Variants in ANK1 observed in about 807,000 individuals in gnomAD.
ANK1 encodes ankyrin 1, also known as ankyrin-1.
ANK1 carries 51 observed loss-of-function variants against 210.4 expected under a neutral mutation model. The ratio of observed to expected loss-of-function variants is 0.24; its 90% CI spans 0.19 to 0.31. The LOEUF (loss-of-function observed/expected upper bound fraction) is 0.31. Among genes scored for constraint, ANK1 ranks in the 10% least tolerant of loss-of-function variants. The pLI, the probability that ANK1 is intolerant of heterozygous loss-of-function variation, is 1.00. For missense variants in ANK1, 2,051 were observed against 2,504.4 expected, an observed-to-expected ratio of 0.82 and a Z score of 3.86; for synonymous variants, 967 against 1,025.9, an observed-to-expected ratio of 0.94 and a Z score of 1.10.
intron 1 of ANK1, among the ~76,000 whole-genome samples, chr8:41,777,611 A>C (rs72640321): frequency 0.23 from 35,307 of 151,302 alleles, 4,788 homozygotes; most frequent in Admixed American, 0.38. Flanking sequence ...ACAATAAATA[A>C]AAACAAACAA....
intron 1 of ANK1, among the ~76,000 whole-genome samples, chr8:41,849,142 G>A (rs1166718054): frequency 2.0e-5 from 3 of 152,222 alleles, no homozygotes; most frequent in African/African-American, 7.2e-5. Context: ...AACCACATTT[G>A]GAGGGGCTCA....
chr8:41,757,991 A>C, intron 2 of ANK1, 45 bp downstream of exon 2: 6 of 1,532,182 alleles, frequency 3.9e-6, no homozygotes, highest in Admixed American at 1.7e-5. Flanking sequence ...GCATCAGGCA[A>C]GAGCTACTCT....
intron 2 of ANK1, among the ~76,000 whole-genome samples, chr8:41,748,475 T>G (rs1836727996): frequency 6.6e-6 from 1 of 152,186 alleles, no homozygotes; most frequent in Non-Finnish European, 1.5e-5. Flanking sequence ...CCTCACCCTC[T>G]TTCATTTCAT....
In ANK1 at chr8:41,701,586, T is replaced by A; in HGVS notation, c.2425A>T (p.Thr809Ser). 6.2e-7 allele frequency: 1 copy of A among 1,614,128 alleles called. No individual in the cohort carries two copies. Among genetic ancestry groups the A allele is most frequent in the South Asian group, 1.1e-5 (1 of 91,072 alleles). The change falls in exon 22 of 43, where the codon ACA becomes TCA. Residue 809 changes from threonine to serine, a missense_variant. Physicochemically the swap from Thr to Ser is moderately conservative, Grantham distance 58. Coordinates refer to ENST00000289734, the MANE Select transcript of ANK1 (RefSeq NM_000037.4). ...SDKHRMSFPETVDEILDVSED... is the reference protein window; with the variant it reads ...SDKHRMSFPESVDEILDVSED... ...GAGACATCCAGGATCTCATCAACTGTCTCAGGGAAACTCATTCGATGCTTA... is the reference window on the plus strand; with the variant it reads ...GAGACATCCAGGATCTCATCAACTGACTCAGGGAAACTCATTCGATGCTTA...
At chr8:41,870,942 C>T (rs1005916947) in intron 1 of ANK1, among the ~76,000 whole-genome samples, 1 of 152,260 alleles carries the variant, frequency 6.6e-6, no homozygotes, top group East Asian at 1.9e-4. Context: ...CGAATGGGCA[C>T]GGGGACTGTC....
chr8:41,677,652 C>T (rs1161614267), intron 37 of ANK1, among the ~76,000 whole-genome samples: 6 of 149,888 alleles, frequency 4.0e-5, no homozygotes, highest in Non-Finnish European at 5.9e-5. Flanking sequence ...TGCAATGGTG[C>T]AATCTTGGTT....
At chr8:41,884,629 G>C (rs1818136972) in intron 1 of ANK1, among the ~76,000 whole-genome samples, 1 of 151,330 alleles carries the variant, frequency 6.6e-6, no homozygotes, top group Non-Finnish European at 1.5e-5. Flanking sequence ...GAGCCCAGGA[G>C]TTGGAGACCA....
Position 41,668,355 on chromosome 8 carries a change from T to C in ANK1, c.5306A>G (p.Glu1769Gly). ...EHTWTEQPEAESSQADRDRRQ... is the reference protein window; with the variant it reads ...EHTWTEQPEAGSSQADRDRRQ... ...CCGGTCCCTGTCGGCCTGGGAGCTC[T>C]CAGCCTCGGGCTGTTCTGTCCACGT... Residue 1769 changes from glutamate (E) to glycine (G), a missense_variant, in exon 39 of 43, where the codon GAG becomes GGG. Transcript: ENST00000289734. 6.2e-7 allele frequency: 1 copy of C among 1,614,224 alleles called. No homozygotes were observed. Among genetic ancestry groups the C allele is most frequent in the Non-Finnish European group, 8.5e-7 (1 of 1,180,040 alleles).
At chr8:41,703,440 A>ATTTT (rs1563491713) in intron 20 of ANK1, among the ~76,000 whole-genome samples, 2 of 68,764 alleles carry the variant, frequency 2.9e-5, no homozygotes, top group African/African-American at 1.2e-4. Context: ...ATATATATAT[A>ATTTT]TATATATATA....
chr8:41,831,105 G>C (rs1402954381), intron 1 of ANK1, among the ~76,000 whole-genome samples: 4 of 152,180 alleles, frequency 2.6e-5, no homozygotes, highest in African/African-American at 9.7e-5. Flanking sequence ...TGGGAGACAG[G>C]AGACGAGGCT....
intron 1 of ANK1, among the ~76,000 whole-genome samples, chr8:41,845,037 T>C (rs1269302350): frequency 1.3e-5 from 2 of 152,140 alleles, no homozygotes; most frequent in Non-Finnish European, 2.9e-5. Context: ...CCTGTTTGTT[T>C]TGAAAGAGAC....
intron 1 of ANK1, among the ~76,000 whole-genome samples, chr8:41,794,043 G>A (rs377000818): frequency 2.0e-4 from 31 of 152,338 alleles, no homozygotes; most frequent in African/African-American, 7.0e-4. Context: ...CACTATATCA[G>A]GTGGTTTAAT....
chr8:41,678,549 AC>A (rs1814944610), intron 37 of ANK1, among the ~76,000 whole-genome samples: 1 of 152,212 alleles, frequency 6.6e-6, no homozygotes, highest in Admixed American at 6.5e-5. Context: ...TTTCTCCAAA[AC>A]AGAAAGAAAA....
chr8:41,802,940 A>G (rs1850121655), intron 1 of ANK1, among the ~76,000 whole-genome samples: 1 of 46,212 alleles, frequency 2.2e-5, no homozygotes, highest in African/African-American at 9.0e-5. Context: ...AGAGAAAGGG[A>G]GAGAGAAAGG....
chr8:41,874,051 C>A (rs573093240), intron 1 of ANK1, among the ~76,000 whole-genome samples: 9 of 152,328 alleles, frequency 5.9e-5, no homozygotes, highest in African/African-American at 2.2e-4. Flanking sequence ...CACACACAGA[C>A]ACAAACACAC....
intron 9 of ANK1, among the ~76,000 whole-genome samples, chr8:41,720,389 C>G (rs1828948320): frequency 6.6e-6 from 1 of 152,120 alleles, no homozygotes. Flanking sequence ...ATCTAAATCC[C>G]TCTGTTCCTT....
At chr8:41,812,706 A>G (rs570315568) in intron 1 of ANK1, among the ~76,000 whole-genome samples, 1 of 152,342 alleles carries the variant, frequency 6.6e-6, no homozygotes, top group African/African-American at 2.4e-5. Flanking sequence ...TGTGGAAGAC[A>G]GTATTTCCAC....
At chr8:41,726,695 CTAT>C (rs1278720571) in intron 5 of ANK1, among the ~76,000 whole-genome samples, 7 of 152,184 alleles carry the variant, frequency 4.6e-5, no homozygotes, top group Admixed American at 4.6e-4. Context: ...CCATGAGCTA[CTAT>C]TATTAATTCC....
At chr8:41,703,422 G>GTGTGTGTATATATATA (rs1286560913) in intron 20 of ANK1, among the ~76,000 whole-genome samples, 4 of 53,762 alleles carry the variant, frequency 7.4e-5, no homozygotes, top group Non-Finnish European at 1.0e-4. Context: ...GTGTGTGTGT[G>GTGTGTGTATATATATA]TATATATATA....
Sources: gnomAD v4.1 joint callset for allele counts (sites outside exome capture counted in the v4.1 genomes callset) on GRCh38, gnomAD v4.1.1 for gene constraint, MANE v1.5 for transcripts, NCBI Gene and HGNC (gene_info 2026-07-23, HGNC 2026-07-21) for gene names.